Variants in MAPRE2 observed in about 807,000 individuals in gnomAD.
The protein encoded by MAPRE2 is microtubule-associated protein RP/EB family member 2.
MAPRE2 carries 13 observed loss-of-function variants against 43.2 expected under a neutral mutation model. That is an observed-to-expected ratio of 0.30 (90% CI 0.20 to 0.48). The LOEUF (loss-of-function observed/expected upper bound fraction) is 0.48, where lower values mean the gene tolerates loss of function less well. MAPRE2 is among the 20% of genes least tolerant of loss of function. The pLI, the probability that MAPRE2 is intolerant of heterozygous loss-of-function variation, is 0.99. For synonymous variants in MAPRE2, 135 were observed against 148.8 expected, an observed-to-expected ratio of 0.91 and a Z score of 0.68; for missense variants, 161 against 400.2, an observed-to-expected ratio of 0.40 and a Z score of 5.10.
At chr18:35,059,857 T>G (rs79386417) in intron 1 of MAPRE2, among the ~76,000 whole-genome samples, 202 of 152,338 alleles carry the variant, frequency 1.3e-3, no homozygotes, top group African/African-American at 4.7e-3. Flanking sequence ...CTGTCATTTG[T>G]TTCTTATTAT....
At chr18:35,026,644 T>A (rs778373071) in intron 2 of MAPRE2, among the ~76,000 whole-genome samples, 2 of 152,170 alleles carry the variant, frequency 1.3e-5, no homozygotes, top group East Asian at 3.9e-4. Context: ...CCAAAAATAT[T>A]TGCTAGCTCT....
intron 2 of MAPRE2, among the ~76,000 whole-genome samples, chr18:35,082,635 C>T (rs968400239): frequency 6.6e-6 from 1 of 152,070 alleles, no homozygotes; most frequent in Non-Finnish European, 1.5e-5. Context: ...TGAGCTCTCT[C>T]TCTCTTTTCA....
At chr18:35,093,147 C>T (rs530032933) in intron 2 of MAPRE2, among the ~76,000 whole-genome samples, 36 of 129,680 alleles carry the variant, frequency 2.8e-4, no homozygotes, top group African/African-American at 1.0e-3. Context: ...GGGAGGTGGA[C>T]GTTGCAGTGA....
intron 1 of MAPRE2, among the ~76,000 whole-genome samples, chr18:35,049,328 A>G (rs1263764258): frequency 1.3e-5 from 2 of 152,132 alleles, no homozygotes; most frequent in Non-Finnish European, 2.9e-5. Flanking sequence ...CCCTCACGCC[A>G]TCTACTTCCT....
rs557482265 is a variant in MAPRE2 at position 35,113,467 on chromosome 18, T to A, written c.610+11308T>A. ...GGGTCAAAGTATGTACATTGTTTTT[T>A]AAAAAAAAACTAGAGTGTTTTAAAG... On this transcript the variant is annotated intron_variant, in intron 4 of 6. Transcript: ENST00000300249. Among the ~76,000 whole-genome samples the A allele has an allele frequency of 5.9e-5, 9 of 151,822 alleles. No homozygotes were observed. In the South Asian group the frequency reaches 1.7e-3, roughly 28 times the overall value.
intron 2 of MAPRE2, among the ~76,000 whole-genome samples, chr18:35,091,478 C>A (rs1908145626): frequency 6.6e-6 from 1 of 151,010 alleles, no homozygotes; most frequent in African/African-American, 2.5e-5. Context: ...TGTACTTAAC[C>A]TATACTACCC....
chr18:35,009,455 C>T (rs1200250999), intron 2 of MAPRE2, among the ~76,000 whole-genome samples: 1 of 152,138 alleles, frequency 6.6e-6, no homozygotes, highest in Non-Finnish European at 1.5e-5. Context: ...AGAAGATACA[C>T]AAGGTTAGGG....
chr18:35,043,666 G>A (rs1184815592), intron 1 of MAPRE2, among the ~76,000 whole-genome samples: 1 of 152,142 alleles, frequency 6.6e-6, no homozygotes, highest in Non-Finnish European at 1.5e-5. Flanking sequence ...AAGTCCCTAA[G>A]AGCATCACTG....
intron 1 of MAPRE2, among the ~76,000 whole-genome samples, chr18:35,051,859 C>T (rs143979696): frequency 1.0e-3 from 158 of 152,290 alleles, no homozygotes; most frequent in Middle Eastern, 0.01. Context: ...GTGTGCCAAA[C>T]GGTGCCTGGT....
chr18:35,048,808 T>A (rs1224682492), intron 1 of MAPRE2, among the ~76,000 whole-genome samples: 1 of 150,896 alleles, frequency 6.6e-6, no homozygotes, highest in Non-Finnish European at 1.5e-5. Flanking sequence ...TATATATGTA[T>A]ATATAATTAT....
chr18:35,063,616 A>G (rs16960014), intron 1 of MAPRE2, among the ~76,000 whole-genome samples: 5,273 of 152,220 alleles, frequency 0.035, 313 homozygotes, highest in African/African-American at 0.12. Flanking sequence ...ATAGCAGTCA[A>G]CCACTTATGG....
chr18:35,072,706 G>A (rs1408164719), intron 2 of MAPRE2, among the ~76,000 whole-genome samples: 2 of 152,188 alleles, frequency 1.3e-5, no homozygotes, highest in Admixed American at 6.5e-5. Flanking sequence ...CATATATGGT[G>A]ATCTTAAAGC....
At chr18:35,125,947 T>A (rs910682012) in intron 4 of MAPRE2, among the ~76,000 whole-genome samples, 2 of 152,228 alleles carry the variant, frequency 1.3e-5, no homozygotes, top group Admixed American at 6.5e-5. Context: ...CATGTAAATA[T>A]CTTGTTCCCC....
At chr18:35,119,435 A>G (rs1909571219) in intron 4 of MAPRE2, among the ~76,000 whole-genome samples, 2 of 152,230 alleles carry the variant, frequency 1.3e-5, no homozygotes, top group South Asian at 2.1e-4. Flanking sequence ...AATTTATGTT[A>G]TTATTTATTG....
chr18:35,051,344 C>T (rs1026815110), intron 1 of MAPRE2, among the ~76,000 whole-genome samples: 1 of 152,184 alleles, frequency 6.6e-6, no homozygotes, highest in Non-Finnish European at 1.5e-5. Flanking sequence ...GCCTGGAATA[C>T]ACAGTAAATT....
chr18:35,038,578 C>T (rs755382173), upstream of MAPRE2, among the ~76,000 whole-genome samples: 18 of 152,136 alleles, frequency 1.2e-4, no homozygotes, highest in Non-Finnish European at 2.2e-4. Flanking sequence ...CCTTGCTCTG[C>T]CTTCATCCAT....
chr18:35,095,310 A>C (rs533025627), intron 2 of MAPRE2, among the ~76,000 whole-genome samples: 1 of 152,130 alleles, frequency 6.6e-6, no homozygotes, highest in Middle Eastern at 3.4e-3. Flanking sequence ...TTTACATTAA[A>C]AATGGGTATA....
At chr18:34,989,015 A>G (rs1466173304) in intron 1 of MAPRE2, among the ~76,000 whole-genome samples, 1 of 152,186 alleles carries the variant, frequency 6.6e-6, no homozygotes, top group Non-Finnish European at 1.5e-5. Flanking sequence ...GAGCCTGCAC[A>G]GTCATTTTCT....
intron 1 of MAPRE2, among the ~76,000 whole-genome samples, chr18:35,067,560 G>T (rs976856103): frequency 5.3e-5 from 8 of 151,928 alleles, no homozygotes; most frequent in African/African-American, 1.9e-4. Context: ...TTTCTGCTTT[G>T]CATTTAGATT....
Sources: allele counts gnomAD v4.1 joint callset (sites outside exome capture counted in the v4.1 genomes callset), GRCh38; gene constraint gnomAD v4.1.1; transcripts MANE v1.5; gene names NCBI Gene and HGNC (gene_info 2026-07-23, HGNC 2026-07-21).